Variants in LRRC14 observed in about 807,000 individuals in gnomAD.
LRRC14 encodes leucine rich repeat containing 14, also known as leucine-rich repeat-containing protein 14.
A neutral mutation model predicts 25.3 loss-of-function variants in LRRC14; 16 were observed. The ratio of observed to expected loss-of-function variants is 0.63; its 90% CI spans 0.43 to 0.96. The LOEUF is 0.96. Among genes scored for constraint, LRRC14 ranks in the 40% least tolerant of loss-of-function variants. The probability of loss-of-function intolerance (pLI) is 0.00; values close to 1 mark genes in which losing one functional copy is unlikely to be tolerated. For missense variants in LRRC14, 594 were observed against 660.5 expected (o/e 0.90, Z 1.10); for synonymous variants, 359 against 295.1 (o/e 1.22, Z -2.22).
At position 144,524,735 on chromosome 8, in the gene LRRC14, A is replaced by G. The variant is rs1205081563; in HGVS notation, c.*3257A>G. The stretch of plus-strand genomic sequence containing the variant: ...GGAACAGTGTCTGCAGGCCGGGGAA[A>G]GAGGAGGCGCTTACCCCGTTGCGGG... On this transcript the variant is annotated 3_prime_UTR_variant, in exon 4 of 4. Coordinates refer to ENST00000292524, the MANE Select transcript of LRRC14 (RefSeq NM_014665.4). 1.4e-6 allele frequency: 2 copies of G among 1,441,466 alleles called. No individual in the cohort carries two copies. The highest frequency in any genetic ancestry group is 2.6e-5 in the East Asian group (1 of 38,298). 89.3% of individuals were successfully genotyped at this position (1,441,466 alleles called of 1,614,324 possible).
In LRRC14 at chr8:144,523,131, C is replaced by A. The variant is rs370398968; in HGVS notation, c.*1653C>A. On this transcript the variant is annotated 3_prime_UTR_variant, in exon 4 of 4. Coordinates refer to ENST00000292524, the MANE Select transcript of LRRC14 (RefSeq NM_014665.4). ...GGCCGGCCCTCGCGAGGCTGGGGCA[C>A]CTTTCTCCAGGTCACCAATGGCTGC... 8.3e-5 allele frequency: 134 copies of A among 1,610,468 alleles called. No individual in the cohort carries two copies. The highest frequency in any genetic ancestry group is 1.1e-4 in the Non-Finnish European group (128 of 1,179,518).
At position 144,524,323 on chromosome 8, in the gene LRRC14, T is replaced by TG. The variant is rs759709387; in HGVS notation, c.*2850dup. 4.4e-6 allele frequency: 7 copies of TG among 1,602,908 alleles called. No individual in the cohort carries two copies. In the Admixed American group the frequency reaches 1.2e-4, roughly 27 times the overall value. On this transcript the variant is annotated 3_prime_UTR_variant, in exon 4 of 4. Coordinates refer to ENST00000292524, the MANE Select transcript of LRRC14 (RefSeq NM_014665.4). Reference sequence around the variant, plus strand: ...TCGTGAGGAAAAAGGGCGCCGAGGTTGGGGGCATGTCTCTCTTCTTACCAA... The same window carrying TG: ...TCGTGAGGAAAAAGGGCGCCGAGGTTGGGGGGCATGTCTCTCTTCTTACCAA...
In LRRC14 at chr8:144,522,234, A is replaced by ACCC. The variant is rs3834368; in HGVS notation, c.*762_*764dup. 9.8e-5 allele frequency: 46 copies of ACCC among 468,702 alleles called. No individual in the cohort carries two copies. Among genetic ancestry groups the ACCC allele is most frequent in the Non-Finnish European group, 1.2e-4 (35 of 287,100 alleles). The allele number at this position is 468,702 out of a possible 1,614,324, so 29.0% of individuals were successfully genotyped here. On this transcript the variant is annotated 3_prime_UTR_variant, in exon 4 of 4. Coordinates refer to ENST00000292524, the MANE Select transcript of LRRC14 (RefSeq NM_014665.4). ...TGTGGCCGGCCAGGGCCAGCGAGGG[A>ACCC]CCCCCCCCATGCAGAGCTGGAGGTT... is the stretch of plus-strand genomic sequence containing the variant.
In LRRC14 at chr8:144,524,726, G is replaced by A. The variant is rs1365119792; in HGVS notation, c.*3248G>A. On this transcript the variant is annotated 3_prime_UTR_variant, in exon 4 of 4. Transcript: ENST00000292524. Reference sequence around the variant, plus strand: ...TGTCCTGCAGGAACAGTGTCTGCAGGCCGGGGAAAGAGGAGGCGCTTACCC... The same window carrying A: ...TGTCCTGCAGGAACAGTGTCTGCAGACCGGGGAAAGAGGAGGCGCTTACCC... 4 of 1,445,464 alleles carry A rather than the reference G, an allele frequency of 2.8e-6. No homozygotes were observed. Among genetic ancestry groups the A allele is most frequent in the East Asian group, 5.2e-5 (2 of 38,388 alleles). The allele number at this position is 1,445,464 out of a possible 1,614,324, so 89.5% of individuals were successfully genotyped here. A position where few individuals can be genotyped will look rare whatever the true frequency, so the allele number is the denominator to read the frequency against.
chr8:144,523,370 C>T lies in LRRC14; in HGVS notation c.*1892C>T. 1.9e-6 allele frequency: 3 copies of T among 1,572,872 alleles called. No individual in the cohort carries two copies. Among genetic ancestry groups the T allele is most frequent in the South Asian group, 1.2e-5 (1 of 85,558 alleles). Reference sequence around the variant, plus strand: ...CTGGCCGCCCTCCTTGATCCAGGCACCCAGCCAGTGCAGGGCGCAGTCACA... The same window carrying T: ...CTGGCCGCCCTCCTTGATCCAGGCATCCAGCCAGTGCAGGGCGCAGTCACA... On this transcript the variant is annotated 3_prime_UTR_variant, in exon 4 of 4. Transcript: ENST00000292524.
In LRRC14 at chr8:144,523,499, CTT is replaced by C. The variant is rs753388840; in HGVS notation, c.*2023_*2024del. ...GTTTTGCAGGCCAGGACAGAGGCCT[CTT>C]TCCCACCTCCCACAGCGTTTTCACA... On this transcript the variant is annotated 3_prime_UTR_variant, in exon 4 of 4. Coordinates refer to ENST00000292524, the MANE Select transcript of LRRC14 (RefSeq NM_014665.4). The C allele has an allele frequency of 1.4e-6, 2 of 1,442,416 alleles. No homozygotes were observed. The highest frequency in any genetic ancestry group is 1.8e-6 in the Non-Finnish European group (2 of 1,106,770). The allele number at this position is 1,442,416 out of a possible 1,614,324, so 89.4% of individuals were successfully genotyped here.
Position 144,524,120 on chromosome 8 carries a change from C to T in LRRC14, c.*2642C>T. ...CCGAGGAAGAGGTACCTGTGAGGCG[C>T]AGGACTTGCAGACTGGCCAGGGGCT... is the stretch of plus-strand genomic sequence containing the variant. On this transcript the variant is annotated 3_prime_UTR_variant, in exon 4 of 4. Coordinates refer to ENST00000292524, the MANE Select transcript of LRRC14 (RefSeq NM_014665.4). 1 of 1,601,018 alleles carries T rather than the reference C, an allele frequency of 6.2e-7. No homozygotes were observed. Among genetic ancestry groups the T allele is most frequent in the African/African-American group, 1.3e-5 (1 of 74,762 alleles).
rs201052464 is a variant in LRRC14, at chr8:144,519,821, C to T, written c.96C>T (p.Pro32=). The T allele has an allele frequency of 1.2e-5, 20 of 1,613,490 alleles. No individual in the cohort carries two copies. Among genetic ancestry groups the T allele is most frequent in the Non-Finnish European group, 1.7e-5 (20 of 1,180,024 alleles). ...CCTTGCTGCCACGCGAACTCTTCCC[C>T]CTGCTGTTCAAGGTGGCCTTCATGG... The part of the protein sequence containing the change: ...ALPLLPRELF[P]LLFKVAFMDK... The change falls in exon 2 of 4, where the codon CCC becomes CCT. Residue 32 remains proline, a synonymous_variant. Transcript: ENST00000292524.
chr8:144,521,813 G>C lies in LRRC14; in HGVS notation c.*335G>C, dbSNP rs531715576. ...TTGGGATTCCAGTTGTGAGCTGAGA[G>C]AGATGATGGCCTCTCTGGGCCTTTC... On this transcript the variant is annotated 3_prime_UTR_variant, in exon 4 of 4. Transcript: ENST00000292524. 2 of 313,372 alleles carry C rather than the reference G, an allele frequency of 6.4e-6. No homozygotes were observed. The highest frequency in any genetic ancestry group is 6.7e-5 in the East Asian group (1 of 15,026). The allele number at this position is 313,372 out of a possible 1,614,324, so 19.4% of individuals were successfully genotyped here. A position where few individuals can be genotyped will look rare whatever the true frequency, so the allele number is the denominator to read the frequency against.
At position 144,523,592 on chromosome 8, in the gene LRRC14, C is replaced by T. The variant is rs150586326; in HGVS notation, c.*2114C>T. 1,024 of 899,534 alleles carry T rather than the reference C, an allele frequency of 1.1e-3. 17 individuals are homozygous for T. The African/African-American group carries it at 0.015, about 13-fold the overall frequency. The allele number at this position is 899,534 out of a possible 1,614,324, so 55.7% of individuals were successfully genotyped here. ...TCCTTGGGGCGGCAGGCCCTTCACC[C>T]TCGCCCCCCTCCCCTTTAGCTCTGT... is the stretch of plus-strand genomic sequence containing the variant. On this transcript the variant is annotated 3_prime_UTR_variant, in exon 4 of 4. Coordinates refer to ENST00000292524, the MANE Select transcript of LRRC14 (RefSeq NM_014665.4).
Position 144,522,329 on chromosome 8 carries a change from C to G in LRRC14, c.*851C>G. The G allele has an allele frequency of 1.6e-6, 2 of 1,235,718 alleles. No individual in the cohort carries two copies. The highest frequency in any genetic ancestry group is 4.1e-5 in the South Asian group (2 of 48,604). The allele number at this position is 1,235,718 out of a possible 1,614,324, so 76.5% of individuals were successfully genotyped here. A position where few individuals can be genotyped will look rare whatever the true frequency, so the allele number is the denominator to read the frequency against. On this transcript the variant is annotated 3_prime_UTR_variant, in exon 4 of 4. Coordinates refer to ENST00000292524, the MANE Select transcript of LRRC14 (RefSeq NM_014665.4). ...CTCCCCGGCCACCTTCCATTGCTAC[C>G]CCAGGATTCCCGAGTGCAACGTTCC... is the stretch of plus-strand genomic sequence containing the variant.
Position 144,521,515 on chromosome 8 carries a change from G to C in LRRC14, c.*37G>C, listed in dbSNP as rs1188485626. ...TGGGTGAGACACAGGCCGCCCTGCA[G>C]TCTCTTTAGGTAGGCAGGGCCTTTG... is the stretch of plus-strand genomic sequence containing the variant. On this transcript the variant is annotated 3_prime_UTR_variant, in exon 4 of 4. Coordinates refer to ENST00000292524, the MANE Select transcript of LRRC14 (RefSeq NM_014665.4). 1 of 1,555,010 alleles carries C rather than the reference G, an allele frequency of 6.4e-7. No homozygotes were observed.
At position 144,520,337 on chromosome 8, in the gene LRRC14, A is replaced by G; in HGVS notation, c.429A>G (p.Val143=). 1 of 1,612,110 alleles carries G rather than the reference A, an allele frequency of 6.2e-7. No homozygotes were observed. Among genetic ancestry groups the G allele is most frequent in the Non-Finnish European group, 8.5e-7 (1 of 1,179,914 alleles). Reference sequence around the variant, plus strand: ...GCATGTGGGACTGTACTGCTGCCGTAGCTCGCACATGCATTGCCCAGCAGC... The same window carrying G: ...GCATGTGGGACTGTACTGCTGCCGTGGCTCGCACATGCATTGCCCAGCAGC... ...TMSMWDCTAA[V]ARTCIAQQQG... is the part of the protein sequence containing the mutation. Residue 143 remains valine, a synonymous_variant, in exon 3 of 4, where the codon GTA becomes GTG. Transcript: ENST00000292524.
At position 144,522,552 on chromosome 8, in the gene LRRC14, C is replaced by G; in HGVS notation, c.*1074C>G. ...GCCCCCTGTTCCGGGCCGCAGTCAGCGGGCGCCTCCGCCGGACCCTCGGCG... is the reference window on the plus strand; with the variant it reads ...GCCCCCTGTTCCGGGCCGCAGTCAGGGGGCGCCTCCGCCGGACCCTCGGCG... On this transcript the variant is annotated 3_prime_UTR_variant, in exon 4 of 4. Coordinates refer to ENST00000292524, the MANE Select transcript of LRRC14 (RefSeq NM_014665.4). 1 of 1,533,798 alleles carries G rather than the reference C, an allele frequency of 6.5e-7. No individual in the cohort carries two copies. The highest frequency in any genetic ancestry group is 2.6e-5 in the East Asian group (1 of 38,128).
Position 144,520,458 on chromosome 8 carries a change from G to A in LRRC14, c.550G>A (p.Ala184Thr), listed in dbSNP as rs746519106. Residue 184 changes from alanine to threonine, a missense_variant, in exon 3 of 4, where the codon GCA becomes ACA. Coordinates refer to ENST00000292524, the MANE Select transcript of LRRC14 (RefSeq NM_014665.4). ...NRASYAFLREALRSSVGSPLR... is the reference protein window; with the variant it reads ...NRASYAFLRETLRSSVGSPLR... ...GGCCTCCTATGCGTTCCTGCGGGAGGCACTCCGAAGCAGCGTGGGCAGCCC... is the reference window on the plus strand; with the variant it reads ...GGCCTCCTATGCGTTCCTGCGGGAGACACTCCGAAGCAGCGTGGGCAGCCC... 1 of 1,596,630 alleles carries A rather than the reference G, an allele frequency of 6.3e-7. No homozygotes were observed. The highest frequency in any genetic ancestry group is 8.5e-7 in the Non-Finnish European group (1 of 1,175,470).
intron 2 of LRRC14, 84 bp from the exon 3 acceptor site, chr8:144,520,154 G>A (rs1815902808): frequency 3.8e-6 from 6 of 1,563,128 alleles, no homozygotes; most frequent in Middle Eastern, 1.7e-4. Flanking sequence ...GCAGGAGCAG[G>A]CGCGTTGCTC....
chr8:144,518,720 C>G (rs1327545972), intron 1 of LRRC14: 1 of 152,286 alleles, frequency 6.6e-6, no homozygotes, highest in Non-Finnish European at 1.5e-5. Flanking sequence ...TGGGCCAGGC[C>G]GAGGCCTTCA....
rs1474873202 is a variant in LRRC14 at position 144,522,113 on chromosome 8, C to T, written c.*635C>T. 3.6e-6 allele frequency: 1 copy of T among 276,460 alleles called. No homozygotes were observed. The highest frequency in any genetic ancestry group is 6.8e-6 in the Non-Finnish European group (1 of 147,152). 17.1% of individuals were successfully genotyped at this position (276,460 alleles called of 1,614,324 possible). ...CAACATGGCCACCCGGCAACAACTG[C>T]CATCCAGCCTGTCGCCCCGCCCTTC... On this transcript the variant is annotated 3_prime_UTR_variant, in exon 4 of 4. Coordinates refer to ENST00000292524, the MANE Select transcript of LRRC14 (RefSeq NM_014665.4).
intron 1 of LRRC14, among the ~76,000 whole-genome samples, chr8:144,519,034 G>C (rs182039874): frequency 6.6e-6 from 1 of 152,344 alleles, no homozygotes; most frequent in Admixed American, 6.5e-5. Context: ...CGGGGTCTCC[G>C]TGCTTGGTGA....
Sources: allele counts gnomAD v4.1 joint callset (sites outside exome capture counted in the v4.1 genomes callset), GRCh38; gene constraint gnomAD v4.1.1; transcripts MANE v1.5; gene names NCBI Gene and HGNC (gene_info 2026-07-23, HGNC 2026-07-21).